Variants in SYNPO2 observed in about 807,000 individuals in gnomAD.
The protein encoded by SYNPO2 is synaptopodin-2.
A neutral mutation model predicts 85.0 loss-of-function variants in SYNPO2; 56 were observed. That is an observed-to-expected ratio of 0.66 (90% CI 0.53 to 0.82). SYNPO2 has a LOEUF of 0.82. Ranked by LOEUF, SYNPO2 falls within the 40% of genes least tolerant of loss-of-function variation. The probability of loss-of-function intolerance (pLI) is 0.00; values close to 1 mark genes in which losing one functional copy is unlikely to be tolerated. For synonymous variants in SYNPO2, 602 were observed against 591.1 expected, an observed-to-expected ratio of 1.02 and a Z score of -0.27; for missense variants, 1,575 against 1,534.2, an observed-to-expected ratio of 1.03 and a Z score of -0.44.
At chr4:118,990,234 C>T (rs183162393) in intron 1 of SYNPO2, among the ~76,000 whole-genome samples, 1 of 152,186 alleles carries the variant, frequency 6.6e-6, no homozygotes, top group East Asian at 1.9e-4. Flanking sequence ...ACTGACAGCT[C>T]ACATGGTGCA....
chr4:119,009,542 A>G (rs1294701770), intron 1 of SYNPO2, among the ~76,000 whole-genome samples: 1 of 152,170 alleles, frequency 6.6e-6, no homozygotes, highest in East Asian at 1.9e-4. Flanking sequence ...ACACACACAT[A>G]AACATAATTG....
intron 4 of SYNPO2, chr4:119,033,598 A>G: frequency 1.0e-6 from 1 of 985,452 alleles, no homozygotes; most frequent in Non-Finnish European, 1.2e-6. Context: ...ACCTCTCAGA[A>G]AAACTTGCCT....
intron 1 of SYNPO2, among the ~76,000 whole-genome samples, chr4:118,934,089 A>C (rs1734022576): frequency 6.6e-6 from 1 of 152,042 alleles, no homozygotes; most frequent in South Asian, 2.1e-4. Flanking sequence ...AGACCCTTGT[A>C]TGCAGACTGC....
At chr4:118,985,433 G>A (rs1385009851) in intron 1 of SYNPO2, among the ~76,000 whole-genome samples, 1 of 152,184 alleles carries the variant, frequency 6.6e-6, no homozygotes, top group Non-Finnish European at 1.5e-5. Flanking sequence ...GATGGAAGAG[G>A]GATGCCTCAG....
intron 1 of SYNPO2, among the ~76,000 whole-genome samples, chr4:118,893,254 T>C (rs373526406): frequency 1.3e-5 from 2 of 152,224 alleles, no homozygotes; most frequent in East Asian, 3.8e-4. Flanking sequence ...TATTTTGGAA[T>C]TGTATATTTT....
intron 1 of SYNPO2, among the ~76,000 whole-genome samples, chr4:118,997,268 A>G (rs1235726985): frequency 6.6e-6 from 1 of 151,422 alleles, no homozygotes; most frequent in Admixed American, 6.6e-5. Context: ...TTAAAAGAAA[A>G]TGTAATGAGG....
intron 1 of SYNPO2, among the ~76,000 whole-genome samples, chr4:119,006,640 G>T (rs893211979): frequency 3.3e-5 from 5 of 152,168 alleles, no homozygotes; most frequent in Non-Finnish European, 7.3e-5. Context: ...ACTAATAATT[G>T]TATATAAAAT....
chr4:118,890,797 A>G (rs2149113661), intron 1 of SYNPO2, among the ~76,000 whole-genome samples: 1 of 151,256 alleles, frequency 6.6e-6, no homozygotes, highest in South Asian at 2.1e-4. Context: ...GTGGTAAAGA[A>G]GTAAGAAAGA....
At chr4:118,962,637 T>G (rs1735145314) in intron 1 of SYNPO2, among the ~76,000 whole-genome samples, 1 of 152,172 alleles carries the variant, frequency 6.6e-6, no homozygotes, top group African/African-American at 2.4e-5. Flanking sequence ...GAAATAGAGA[T>G]CATTTTTGTC....
intron 1 of SYNPO2, among the ~76,000 whole-genome samples, chr4:118,880,961 G>C (rs977837449): frequency 1.3e-5 from 2 of 151,956 alleles, no homozygotes; most frequent in African/African-American, 2.4e-5. Flanking sequence ...AAATTAAAAT[G>C]AGGTCTTTAG....
intron 1 of SYNPO2, among the ~76,000 whole-genome samples, chr4:118,911,545 A>G (rs1733137899): frequency 6.6e-6 from 1 of 151,818 alleles, no homozygotes; most frequent in African/African-American, 2.4e-5. Context: ...TTGTTGTTTT[A>G]TTTTCTTTGT....
At position 118,999,866 on chromosome 4, in the gene SYNPO2, A is replaced by C. The variant is rs184629022; in HGVS notation, c.106-23564A>C. Among the ~76,000 whole-genome samples, 62 of 152,296 alleles carry C rather than the reference A, an allele frequency of 4.1e-4. 3 individuals carry two copies. Among genetic ancestry groups the C allele is most frequent in the African/African-American group, 1.4e-3 (58 of 41,568 alleles). ...TCAGGGTTTTGCACTATTGCCTGGT[A>C]CTTTTTAAAGGTTTTGAAGTAGAGA... On this transcript the variant is annotated intron_variant, in intron 1 of 4. Coordinates refer to ENST00000307142, the MANE Select transcript of SYNPO2 (RefSeq NM_133477.3).
intron 4 of SYNPO2, chr4:119,033,623 C>G: frequency 8.1e-6 from 8 of 985,398 alleles, no homozygotes; most frequent in Non-Finnish European, 9.6e-6. Context: ...TGAGGGTACA[C>G]AGTACCATTT....
At chr4:118,923,099 G>A (rs1199514804) in intron 1 of SYNPO2, among the ~76,000 whole-genome samples, 4 of 152,112 alleles carry the variant, frequency 2.6e-5, no homozygotes, top group African/African-American at 9.7e-5. Flanking sequence ...CACGATGGCA[G>A]CTTCAGAAAA....
chr4:118,875,108 A>G (rs1296093424), intron 1 of SYNPO2, among the ~76,000 whole-genome samples: 1 of 152,092 alleles, frequency 6.6e-6, no homozygotes, highest in Non-Finnish European at 1.5e-5. Context: ...AACGTGCGGT[A>G]TTTGGTTTTC....
In SYNPO2 at chr4:118,852,736, AG is replaced by A. The variant is rs1263900314; in HGVS notation, c.12+1799del. ...CTATTGGAGGCTGGAGGGTGGGAGG[AG>A]GGAGAGAATCAGGAAAAATAACTAA... On this transcript the variant is annotated intron_variant, in intron 1 of 4. Transcript: ENST00000610556. Among the ~76,000 whole-genome samples the A allele has an allele frequency of 3.3e-5, 5 of 152,298 alleles. No homozygotes were observed. In the South Asian group the frequency reaches 6.2e-4, roughly 19 times the overall value.
intron 1 of SYNPO2, among the ~76,000 whole-genome samples, chr4:118,898,459 A>G (rs1236404183): frequency 2.0e-5 from 3 of 152,164 alleles, no homozygotes; most frequent in Admixed American, 1.3e-4. Flanking sequence ...CACTGCTTAA[A>G]ATACTTCAAA....
Position 119,030,099 on chromosome 4 carries a change from G to T in SYNPO2, c.1324G>T (p.Glu442Ter), listed in dbSNP as rs866714253. 5 of 1,614,082 alleles carry T rather than the reference G, an allele frequency of 3.1e-6. No individual in the cohort carries two copies. Among genetic ancestry groups the T allele is most frequent in the Non-Finnish European group, 4.2e-6 (5 of 1,180,014 alleles). The change falls in exon 4 of 5, where the codon GAA becomes TAA. Residue 442 changes from glutamate to a stop codon, truncating the protein, a stop_gained. Transcript: ENST00000307142. LOFTEE classifies it high-confidence loss of function. ...TCEVAFLGAS[E>*]SEVDEELLSD... is the part of the protein sequence containing the mutation. The stretch of plus-strand genomic sequence containing the variant: ...TGAAGTAGCATTTCTTGGTGCAAGC[G>T]AATCAGAGGTGGATGAAGAGTTATT...
chr4:118,886,038 A>G (rs11940444), upstream of SYNPO2, among the ~76,000 whole-genome samples: 57,004 of 152,010 alleles, frequency 0.38, 11,901 homozygotes, highest in Non-Finnish European at 0.48. Context: ...CCTGCACAGA[A>G]TAAATCTTTG....
Sources: allele counts gnomAD v4.1 joint callset (sites outside exome capture counted in the v4.1 genomes callset), GRCh38; gene constraint gnomAD v4.1.1; transcripts MANE v1.5; gene names NCBI Gene and HGNC (gene_info 2026-07-23, HGNC 2026-07-21).